MS4A5: variants seen among roughly 807,000 people sequenced by gnomAD.
MS4A5 encodes membrane spanning 4-domains A5.
Under a neutral mutation model 18.2 loss-of-function variants are expected in MS4A5, and 15 were observed. That is an observed-to-expected ratio of 0.83 (90% confidence interval 0.55 to 1.27). The LOEUF is 1.27. MS4A5 is among the 50% of genes most tolerant of loss of function. MS4A5 has a pLI of 0.00. For synonymous variants in MS4A5, 89 were observed against 78.7 expected (o/e 1.13, Z -0.69); for missense variants, 232 against 225.7 (o/e 1.03, Z -0.18).
At chr11:60,444,040 C>T (rs551089250) in intron 4 of MS4A5, among the ~76,000 whole-genome samples, 1 of 152,216 alleles carries the variant, frequency 6.6e-6, no homozygotes, top group Non-Finnish European at 1.5e-5. Flanking sequence ...TAATTTCTTC[C>T]AAACATTTAG....
chr11:60,432,627 A>C (rs994800756), intron 3 of MS4A5, among the ~76,000 whole-genome samples, 160 bp downstream of exon 3: 1 of 152,150 alleles, frequency 6.6e-6, no homozygotes, highest in African/African-American at 2.4e-5. Flanking sequence ...CTCTACTAAA[A>C]ATACAAAATT....
intron 4 of MS4A5, among the ~76,000 whole-genome samples, chr11:60,438,023 G>A (rs1178447181): frequency 6.6e-6 from 1 of 152,116 alleles, no homozygotes; most frequent in African/African-American, 2.4e-5. Flanking sequence ...ATATTGGGAA[G>A]TAAAGCTCTC....
intron 4 of MS4A5, among the ~76,000 whole-genome samples, chr11:60,442,422 T>C (rs2086117879): frequency 6.6e-6 from 1 of 152,068 alleles, no homozygotes; most frequent in Non-Finnish European, 1.5e-5. Context: ...TTCTCACTCA[T>C]AAGTGAGAGT....
chr11:60,441,390 G>A (rs2086110878), intron 4 of MS4A5, among the ~76,000 whole-genome samples: 1 of 98,382 alleles, frequency 1.0e-5, no homozygotes, highest in African/African-American at 3.7e-5. Flanking sequence ...TAACTAACCT[G>A]CACAATGTGC....
At chr11:60,432,305 G>C in intron 2 of MS4A5, 106 bp from the exon 3 acceptor site, 1 of 634,736 alleles carries the variant, frequency 1.6e-6, no homozygotes, top group East Asian at 3.0e-5. Context: ...AGGAGTGTGT[G>C]AACTTAGAAG....
At chr11:60,437,108 G>A (rs1204043985) in intron 4 of MS4A5, among the ~76,000 whole-genome samples, 5 of 138,114 alleles carry the variant, frequency 3.6e-5, no homozygotes, top group Admixed American at 8.0e-5. Flanking sequence ...AGAGAGTGGG[G>A]GCCAATATTC....
chr11:60,438,747 A>C (rs2086094600), intron 4 of MS4A5, among the ~76,000 whole-genome samples: 1 of 150,562 alleles, frequency 6.6e-6, no homozygotes, highest in Non-Finnish European at 1.5e-5. Context: ...CTCTGAATAG[A>C]CCAATAACAG....
At chr11:60,446,917 C>A (rs1007112710) in intron 4 of MS4A5, among the ~76,000 whole-genome samples, 3 of 151,888 alleles carry the variant, frequency 2.0e-5, no homozygotes, top group African/African-American at 7.3e-5. Flanking sequence ...ATTAGACCAC[C>A]TTTTATATAT....
At chr11:60,435,241 A>G (rs998518056) in intron 4 of MS4A5, among the ~76,000 whole-genome samples, 1 of 152,164 alleles carries the variant, frequency 6.6e-6, no homozygotes, top group African/African-American at 2.4e-5. Context: ...CAAATTTTCC[A>G]TTGAAAATTA....
intron 4 of MS4A5, among the ~76,000 whole-genome samples, chr11:60,437,196 A>G (rs1275873111): frequency 2.0e-5 from 3 of 147,816 alleles, no homozygotes; most frequent in African/African-American, 7.4e-5. Context: ...AAGGAGAAAT[A>G]AAATACTTTA....
chr11:60,432,144 T>C (rs756347703), intron 2 of MS4A5, among the ~76,000 whole-genome samples: 2 of 152,190 alleles, frequency 1.3e-5, no homozygotes, highest in South Asian at 2.1e-4. Context: ...AAAAAGAACA[T>C]GGATGAGTAA....
At chr11:60,437,536 T>A (rs2086087137) in intron 4 of MS4A5, among the ~76,000 whole-genome samples, 1 of 152,200 alleles carries the variant, frequency 6.6e-6, no homozygotes, top group African/African-American at 2.4e-5. Context: ...GCATCTCATG[T>A]GCAGAGACAC....
chr11:60,432,199 A>C (rs529275658), intron 2 of MS4A5, among the ~76,000 whole-genome samples: 2 of 152,358 alleles, frequency 1.3e-5, no homozygotes, highest in African/African-American at 4.8e-5. Context: ...GTTCAAATAA[A>C]TAGTTAGGGC....
chr11:60,437,864 C>T (rs544165321), intron 4 of MS4A5, among the ~76,000 whole-genome samples: 4 of 150,548 alleles, frequency 2.7e-5, no homozygotes, highest in South Asian at 2.1e-4. Context: ...GACAGATCAA[C>T]GAGACAGAAA....
chr11:60,435,522 G>A (rs909090451), intron 4 of MS4A5: 77 of 382,568 alleles, frequency 2.0e-4, no homozygotes, highest in South Asian at 3.9e-4. Flanking sequence ...TGAGGTACCC[G>A]GTTCATCTCA....
At chr11:60,445,584 C>G (rs971551480) in intron 4 of MS4A5, among the ~76,000 whole-genome samples, 1 of 152,050 alleles carries the variant, frequency 6.6e-6, no homozygotes, top group African/African-American at 2.4e-5. Flanking sequence ...TATATATAAA[C>G]TTTGATATAG....
At chr11:60,437,220 G>C (rs552077826) in intron 4 of MS4A5, among the ~76,000 whole-genome samples, 6 of 148,980 alleles carry the variant, frequency 4.0e-5, no homozygotes, top group African/African-American at 1.5e-4. Context: ...ACAAGCAAAT[G>C]CTGAGAGATT....
At chr11:60,436,913 T>C in intron 4 of MS4A5, among the ~76,000 whole-genome samples, 1 of 131,716 alleles carries the variant, frequency 7.6e-6, no homozygotes. Context: ...ATTCAGGAAA[T>C]ACAGAGAACG....
chr11:60,441,290 G>T (rs1264316294), intron 4 of MS4A5, among the ~76,000 whole-genome samples: 2 of 124,166 alleles, frequency 1.6e-5, no homozygotes, highest in African/African-American at 2.8e-5. Flanking sequence ...GGTGGAGGGA[G>T]GGGGGGAGGG....
Sources: allele counts gnomAD v4.1 joint callset (sites outside exome capture counted in the v4.1 genomes callset), GRCh38; gene constraint gnomAD v4.1.1; transcripts MANE v1.5; gene names NCBI Gene and HGNC (gene_info 2026-07-23, HGNC 2026-07-21).